The following STAU1 variants were observed in gnomAD, a reference collection of about 807,000 sequenced individuals.
The protein encoded by STAU1 is staufen double-stranded RNA binding protein 1.
STAU1 carries 13 observed loss-of-function variants against 62.9 expected under a neutral mutation model. That is an observed-to-expected ratio of 0.21 (90% CI 0.13 to 0.33). STAU1 has a LOEUF of 0.33. STAU1 is among the 10% of genes least tolerant of loss of function. The pLI, the probability that STAU1 is intolerant of heterozygous loss-of-function variation, is 1.00. For synonymous variants in STAU1, 269 were observed against 265.1 expected (o/e 1.01, Z -0.14); for missense variants, 571 against 712.1 (o/e 0.80, Z 2.25).
At chr20:49,200,893 G>A in the STAU1 span, among the ~76,000 whole-genome samples, 6 of 151,046 alleles carry the variant, frequency 4.0e-5, no homozygotes, top group Non-Finnish European at 8.9e-5. Context: ...ACAAAAAGTA[G>A]CCAGGTATGG....
the STAU1 span, among the ~76,000 whole-genome samples, chr20:49,196,010 G>A: frequency 6.7e-5 from 10 of 150,070 alleles, no homozygotes; most frequent in East Asian, 5.9e-4. Flanking sequence ...AGGCCGAGGC[G>A]GGTGGATCAC....
At chr20:49,212,429 C>T in the STAU1 span, among the ~76,000 whole-genome samples, 1 of 152,084 alleles carries the variant, frequency 6.6e-6, no homozygotes, top group Non-Finnish European at 1.5e-5. Flanking sequence ...TATATGTATT[C>T]ATTGGGAAAT....
chr20:49,214,601 T>C, the STAU1 span, among the ~76,000 whole-genome samples: 1 of 151,202 alleles, frequency 6.6e-6, no homozygotes, highest in Non-Finnish European at 1.5e-5. Flanking sequence ...AGACCTAGAG[T>C]CAAATGCCTG....
chr20:49,119,608 G>A (rs1009052540), intron 9 of STAU1, among the ~76,000 whole-genome samples: 1 of 152,114 alleles, frequency 6.6e-6, no homozygotes, highest in Non-Finnish European at 1.5e-5. Context: ...CACAATTAAC[G>A]AAAGCCTAAC....
At chr20:49,165,157 A>G (rs1419485349) in intron 3 of STAU1, among the ~76,000 whole-genome samples, 2 of 150,552 alleles carry the variant, frequency 1.3e-5, no homozygotes, top group East Asian at 2.0e-4. Context: ...TGATTCTTCT[A>G]TATCAGCCTC....
chr20:49,197,382 A>G, the STAU1 span, among the ~76,000 whole-genome samples: 1 of 148,710 alleles, frequency 6.7e-6, no homozygotes, highest in African/African-American at 2.5e-5. Flanking sequence ...ATACATATAC[A>G]TAATTTTCTT....
Position 49,152,648 on chromosome 20 carries a change from T to TTA in STAU1, c.345-902_345-901insTA, listed in dbSNP as rs2093275358. Among the ~76,000 whole-genome samples, 3 of 152,176 alleles carry TTA rather than the reference T, an allele frequency of 2.0e-5. No individual in the cohort carries two copies. In the South Asian group the frequency reaches 6.2e-4, roughly 32 times the overall value. On this transcript the variant is annotated intron_variant, in intron 4 of 13. Coordinates refer to ENST00000371856, the MANE Select transcript of STAU1 (RefSeq NM_017453.4). Reference sequence around the variant, plus strand: ...AGCCACCACACCTGGCCTCCACTAATGTCTTATTACTGCCAGCAGAAGATT... The same window carrying TTA: ...AGCCACCACACCTGGCCTCCACTAATTAGTCTTATTACTGCCAGCAGAAGATT...
At chr20:49,143,484 G>A (rs1396622385) in intron 5 of STAU1, among the ~76,000 whole-genome samples, 3 of 152,062 alleles carry the variant, frequency 2.0e-5, no homozygotes, top group Admixed American at 1.3e-4. Flanking sequence ...TCCCAGCTAC[G>A]AGGGAGACTG....
intron 9 of STAU1, among the ~76,000 whole-genome samples, chr20:49,119,564 T>A (rs994509948): frequency 3.9e-5 from 6 of 152,196 alleles, no homozygotes; most frequent in Non-Finnish European, 8.8e-5. Context: ...ACTGTCACAC[T>A]GTCTTATTTT....
chr20:49,169,370 AAGTT>A, intron 2 of STAU1, among the ~76,000 whole-genome samples: 1 of 152,288 alleles, frequency 6.6e-6, no homozygotes, highest in East Asian at 1.9e-4. Context: ...GGAACAAATT[AAGTT>A]TTTCATTACT....
At chr20:49,199,579 A>C in the STAU1 span, among the ~76,000 whole-genome samples, 1 of 142,544 alleles carries the variant, frequency 7.0e-6, no homozygotes, top group African/African-American at 2.6e-5. Flanking sequence ...TCTTTTATTT[A>C]CTTATTTTTT....
rs569301540 is a variant in STAU1, at chr20:49,127,524, G to C, written c.610-2937C>G. ...AGTTTGAGACCAGCTTGGCCAACAG[G>C]GTGAAACCCTGTCTCTACTAAAAAT... is the stretch of plus-strand genomic sequence containing the variant. On this transcript the variant is annotated intron_variant, in intron 6 of 13. Coordinates refer to ENST00000371856, the MANE Select transcript of STAU1 (RefSeq NM_017453.4). 1.3e-4 allele frequency among the ~76,000 whole-genome samples: 19 copies of C among 151,912 alleles called. 1 individual carries two copies. In the East Asian group the frequency reaches 2.5e-3, roughly 20 times the overall value.
At chr20:49,215,708 T>C in the STAU1 span, among the ~76,000 whole-genome samples, 1 of 151,978 alleles carries the variant, frequency 6.6e-6, no homozygotes, top group African/African-American at 2.4e-5. Context: ...ATAAAATCAG[T>C]AGAAAACTCC....
chr20:49,198,878 G>T, the STAU1 span, among the ~76,000 whole-genome samples: 1 of 151,958 alleles, frequency 6.6e-6, no homozygotes, highest in East Asian at 2.0e-4. Flanking sequence ...CAGGAAAATC[G>T]CTTGAACCCA....
chr20:49,195,674 TG>T, the STAU1 span, among the ~76,000 whole-genome samples: 5 of 146,326 alleles, frequency 3.4e-5, no homozygotes, highest in East Asian at 1.0e-3. Flanking sequence ...GAGCCCAAGG[TG>T]GGCAGATCAC....
rs189222473 is a variant in STAU1 at position 49,185,101 on chromosome 20, T to C, written c.-160+3015A>G. Among the ~76,000 whole-genome samples, 463 of 152,308 alleles carry C rather than the reference T, an allele frequency of 3.0e-3. 8 individuals carry two copies. The highest frequency in any genetic ancestry group is 0.026 in the Admixed American group (395 of 15,286). On this transcript the variant is annotated intron_variant, in intron 1 of 13. Coordinates refer to ENST00000371856, the MANE Select transcript of STAU1 (RefSeq NM_017453.4). ...ATTTGCTAAATTTGTTATTTGGAAA[T>C]AGGGCAGACGGGGGCACTTTGGAAA...
At chr20:49,196,718 A>T in the STAU1 span, among the ~76,000 whole-genome samples, 5 of 151,740 alleles carry the variant, frequency 3.3e-5, no homozygotes, top group Non-Finnish European at 7.4e-5. Flanking sequence ...GCTGCAGTGA[A>T]CAGACATGGC....
At position 49,117,277 on chromosome 20, in the gene STAU1, G is replaced by A; in HGVS notation, c.1510-29C>T. 6.2e-7 allele frequency: 1 copy of A among 1,612,626 alleles called. No homozygotes were observed. Among genetic ancestry groups the A allele is most frequent in the South Asian group, 1.1e-5 (1 of 90,858 alleles). ...AGGGGGAAAAGAGAGCTGAGGCTAG[G>A]TAGGGAACAGCAAGTATGAGTGGGC... On this transcript the variant is annotated intron_variant, in intron 11 of 13. Transcript: ENST00000371856. The surrounding 1 kb of genome is among the most constrained non-coding windows in gnomAD (Gnocchi z 4.6).
chr20:49,151,682 T>C lies in STAU1; in HGVS notation c.410A>G (p.Gln137Arg). Residue 137 changes from glutamine to arginine, a missense_variant, in exon 5 of 14, where the codon CAA becomes CGA. Physicochemically the swap from Gln to Arg is conservative, Grantham distance 43. Transcript: ENST00000371856. ...TCTTGTCTTTCCTTTGCCATTAAAT[T>C]GCTGTCCTCCCACAGAAAGTTCCAC... ...YQVELSVGGQ[Q>R]FNGKGKTRQA... 1 of 1,612,350 alleles carries C rather than the reference T, an allele frequency of 6.2e-7. No homozygotes were observed. The highest frequency in any genetic ancestry group is 8.5e-7 in the Non-Finnish European group (1 of 1,179,404).
Sources: gnomAD v4.1 joint callset for allele counts (sites outside exome capture counted in the v4.1 genomes callset) on GRCh38, gnomAD v4.1.1 for gene constraint, Gnocchi (gnomAD v3.1) non-coding constraint, MANE v1.5 for transcripts, NCBI Gene and HGNC (gene_info 2026-07-23, HGNC 2026-07-21) for gene names.